TET2: variants seen among roughly 807,000 people sequenced by gnomAD.
TET2 encodes the protein methylcytosine dioxygenase TET2.
A neutral mutation model predicts 142.9 loss-of-function variants in TET2; 299 were observed. The ratio of observed to expected loss-of-function variants is 2.09; its 90% CI spans 1.90 to 2.30. TET2 has a LOEUF of 2.30. Among genes scored for constraint, TET2 ranks in the 30% most tolerant of loss-of-function variants. The pLI is 0.00. For missense variants in TET2, 2,418 were observed against 2,378.0 expected (o/e 1.02, Z -0.35); for synonymous variants, 819 against 849.0 (o/e 0.96, Z 0.61).
chr4:105,155,314 G>A (rs975282827), intron 1 of TET2, among the ~76,000 whole-genome samples: 1 of 152,226 alleles, frequency 6.6e-6, no homozygotes, highest in African/African-American at 2.4e-5. Flanking sequence ...TGTTGAAGAT[G>A]TAAAATAAGG....
chr4:105,155,422 G>T (rs747516086), intron 1 of TET2, among the ~76,000 whole-genome samples: 1 of 152,240 alleles, frequency 6.6e-6, no homozygotes, highest in Non-Finnish European at 1.5e-5. Flanking sequence ...GCTACACATG[G>T]CTGCAAGTAT....
At chr4:105,174,217 T>C (rs1724646473) in intron 1 of TET2, among the ~76,000 whole-genome samples, 1 of 152,200 alleles carries the variant, frequency 6.6e-6, no homozygotes, top group Non-Finnish European at 1.5e-5. Flanking sequence ...TCTTAAAAGA[T>C]ATTTTATCAC....
chr4:105,226,414 T>C (rs540251406), intron 2 of TET2, among the ~76,000 whole-genome samples: 1 of 152,308 alleles, frequency 6.6e-6, no homozygotes, highest in East Asian at 1.9e-4. Context: ...CCGTGTGATA[T>C]GGTTTGGTTG....
chr4:105,160,616 G>A (rs1011061690), intron 1 of TET2, among the ~76,000 whole-genome samples: 5 of 152,192 alleles, frequency 3.3e-5, no homozygotes, highest in African/African-American at 1.2e-4. Flanking sequence ...TTCATAGACT[G>A]TGTTTTTGTA....
At chr4:105,160,300 CA>C in intron 1 of TET2, among the ~76,000 whole-genome samples, 1 of 151,888 alleles carries the variant, frequency 6.6e-6, no homozygotes, top group Non-Finnish European at 1.5e-5. Flanking sequence ...TAGAGCTTTT[CA>C]TTTATTTTTA....
intron 9 of TET2, among the ~76,000 whole-genome samples, chr4:105,271,558 G>C (rs892933800): frequency 6.6e-6 from 1 of 152,158 alleles, no homozygotes; most frequent in African/African-American, 2.4e-5. Flanking sequence ...GGTGCTCAGA[G>C]ACATGAATTT....
chr4:105,150,403 T>C (rs1010182849), intron 1 of TET2, among the ~76,000 whole-genome samples: 1 of 152,240 alleles, frequency 6.6e-6, no homozygotes, highest in Non-Finnish European at 1.5e-5. Flanking sequence ...AAGAGTCATC[T>C]TTGTTATATA....
chr4:105,275,068 C>T lies in TET2; in HGVS notation c.4558C>T (p.Pro1520Ser), dbSNP rs1490245533. ...QLAELLRLSG[P>S]VMQQSQQPQP... Reference sequence around the variant, plus strand: ...CACAGAACTTTTGCGACTTTCAGGACCAGTCATGCAGCAGTCCCAGCAGCC... The same window carrying T: ...CACAGAACTTTTGCGACTTTCAGGATCAGTCATGCAGCAGTCCCAGCAGCC... Residue 1520 changes from proline (P) to serine (S), a missense_variant, in exon 11 of 11, where the codon CCA (proline) becomes TCA (serine). Transcript: ENST00000380013. The T allele has an allele frequency of 6.5e-7, 1 of 1,538,916 alleles. No individual in the cohort carries two copies. Among genetic ancestry groups the T allele is most frequent in the Non-Finnish European group, 8.8e-7 (1 of 1,141,528 alleles).
intron 2 of TET2, among the ~76,000 whole-genome samples, chr4:105,217,300 C>T (rs559185854): frequency 6.6e-6 from 1 of 151,966 alleles, no homozygotes; most frequent in Non-Finnish European, 1.5e-5. Flanking sequence ...TTAGTTTTTA[C>T]AAGTTAAATT....
In TET2 at chr4:105,261,824, T is replaced by TGCAC; in HGVS notation, c.4021_4024dup (p.Pro1342ArgfsTer3). 6.5e-7 allele frequency: 1 copy of TGCAC among 1,547,364 alleles called. No individual in the cohort carries two copies. Among genetic ancestry groups the TGCAC allele is most frequent in the Non-Finnish European group, 8.7e-7 (1 of 1,144,070 alleles). The stretch of plus-strand genomic sequence containing the variant: ...TTATGGCACCAACATATAAGAAACT[T>TGCAC]GCACCTGATGCATATAATAATCAGG... On this transcript the variant is annotated frameshift_variant, in exon 8 of 11. Coordinates refer to ENST00000380013, the MANE Select transcript of TET2 (RefSeq NM_001127208.3). LOFTEE classifies it high-confidence loss of function.
intron 2 of TET2, among the ~76,000 whole-genome samples, chr4:105,232,269 C>A (rs879702146): frequency 6.6e-6 from 1 of 152,268 alleles, no homozygotes; most frequent in South Asian, 2.1e-4. Flanking sequence ...CTACTACTTA[C>A]GGACATTTAG....
At chr4:105,153,267 G>C (rs538428434) in intron 1 of TET2, among the ~76,000 whole-genome samples, 42 of 152,140 alleles carry the variant, frequency 2.8e-4, no homozygotes, top group Non-Finnish European at 4.9e-4. Context: ...TGACATTGAT[G>C]TGGCCTACTA....
Position 105,201,869 on chromosome 4 carries a change from G to A in TET2, c.-47+11364G>A, listed in dbSNP as rs183713959. ...TGATCCTCCCACCTCAGCTTCCAGA[G>A]TAGCTGAGACCACAGGGGCATGCCA... On this transcript the variant is annotated intron_variant, in intron 2 of 10. Coordinates refer to ENST00000380013, the MANE Select transcript of TET2 (RefSeq NM_001127208.3). 4.3e-3 allele frequency among the ~76,000 whole-genome samples: 650 copies of A among 149,482 alleles called. 4 individuals carry two copies. The highest frequency in any genetic ancestry group is 0.015 in the Admixed American group (223 of 14,804).
At chr4:105,185,923 A>T (rs946382691) in intron 1 of TET2, among the ~76,000 whole-genome samples, 1 of 152,204 alleles carries the variant, frequency 6.6e-6, no homozygotes, top group East Asian at 1.9e-4. Flanking sequence ...AGTGTATTTT[A>T]TTCAATTAAA....
intron 2 of TET2, among the ~76,000 whole-genome samples, chr4:105,200,033 AT>A (rs943886993): frequency 4.6e-5 from 7 of 151,458 alleles, no homozygotes; most frequent in South Asian, 4.2e-4. Flanking sequence ...TAATAGAATA[AT>A]TTTTTTTTCC....
intron 1 of TET2, among the ~76,000 whole-genome samples, chr4:105,165,027 A>G (rs1264224843): frequency 1.3e-5 from 2 of 152,090 alleles, no homozygotes; most frequent in African/African-American, 4.8e-5. Flanking sequence ...TTTTTCCTCT[A>G]TTTTGTATCA....
chr4:105,237,701 T>C, intron 3 of TET2: 1 of 1,290,130 alleles, frequency 7.8e-7, no homozygotes, highest in South Asian at 1.8e-5. Flanking sequence ...AAAAAAACAA[T>C]CTATTAAAAT....
intron 3 of TET2, chr4:105,238,666 C>G (rs1374325239): frequency 8.2e-6 from 2 of 243,404 alleles, no homozygotes; most frequent in Non-Finnish European, 1.7e-5. Context: ...CTTGCTACAT[C>G]TCCCTCATCT....
intron 2 of TET2, among the ~76,000 whole-genome samples, chr4:105,232,164 A>G (rs1728546432): frequency 6.6e-6 from 1 of 152,122 alleles, no homozygotes; most frequent in Non-Finnish European, 1.5e-5. Context: ...AATGGCCTCC[A>G]GCTCCATCCA....
Sources: allele counts gnomAD v4.1 joint callset (sites outside exome capture counted in the v4.1 genomes callset), GRCh38; gene constraint gnomAD v4.1.1; transcripts MANE v1.5; gene names NCBI Gene and HGNC (gene_info 2026-07-23, HGNC 2026-07-21).